Variants in CACNA2D1 observed in about 807,000 individuals in gnomAD.
CACNA2D1 encodes calcium voltage-gated channel auxiliary subunit alpha2delta 1, also known as voltage-dependent calcium channel subunit alpha-2/delta-1.
Under a neutral mutation model 171.5 loss-of-function variants are expected in CACNA2D1, and 53 were observed. The ratio of observed to expected loss-of-function variants is 0.31; its 90% CI spans 0.25 to 0.39. The LOEUF is 0.39. Ranked by LOEUF, CACNA2D1 falls within the 10% of genes least tolerant of loss-of-function variation. The pLI is 1.00. For synonymous variants in CACNA2D1, 442 were observed against 443.1 expected, an observed-to-expected ratio of 1.00 and a Z score of 0.03; for missense variants, 903 against 1,299.8, an observed-to-expected ratio of 0.69 and a Z score of 4.69.
At position 81,967,559 on chromosome 7, in the gene CACNA2D1, T is replaced by C. The variant is rs1554332190; in HGVS notation, c.2463+37A>G. 18 of 1,118,966 alleles carry C rather than the reference T, an allele frequency of 1.6e-5. No homozygotes were observed. In the South Asian group the frequency reaches 1.8e-4, roughly 11 times the overall value. The allele number at this position is 1,118,966 out of a possible 1,614,324, so 69.3% of individuals were successfully genotyped here. ...TTTTTTCTATTGAATTTTGAAAACA[T>C]TAAACATAGCATAAGAATTTTTTAA... On this transcript the variant is annotated intron_variant, in intron 30 of 38. Coordinates refer to ENST00000356860, the MANE Select transcript of CACNA2D1 (RefSeq NM_000722.4).
At chr7:82,121,984 G>A (rs890220734) in intron 5 of CACNA2D1, among the ~76,000 whole-genome samples, 4 of 152,012 alleles carry the variant, frequency 2.6e-5, no homozygotes, top group East Asian at 1.9e-4. Context: ...CATCAGTGGC[G>A]AAAGAAAGGT....
intron 6 of CACNA2D1, among the ~76,000 whole-genome samples, chr7:82,115,743 T>TAA (rs543239994): frequency 7.0e-6 from 1 of 143,156 alleles, no homozygotes; most frequent in African/African-American, 2.5e-5. Context: ...TCAAAGTGAA[T>TAA]AAAAAAAAAA....
chr7:81,991,395 A>G, intron 20 of CACNA2D1, 149 bp from the exon 21 acceptor site: 2 of 520,054 alleles, frequency 3.8e-6, no homozygotes, highest in Non-Finnish European at 6.8e-6. Context: ...ATATTTATTT[A>G]TTTTCTGGGT....
chr7:82,007,801 T>C (rs755162109), intron 15 of CACNA2D1, 45 bp from the exon 16 acceptor site: 1 of 1,153,790 alleles, frequency 8.7e-7, no homozygotes, highest in East Asian at 2.4e-5. Context: ...AATTACAATT[T>C]AAGCTTTGTC....
At chr7:82,294,991 C>T (rs1812085872) in intron 3 of CACNA2D1, among the ~76,000 whole-genome samples, 1 of 152,042 alleles carries the variant, frequency 6.6e-6, no homozygotes, top group African/African-American at 2.4e-5. Flanking sequence ...CAATATTTTA[C>T]TTGCTAAGTT....
At chr7:82,286,274 T>A (rs1198740541) in intron 3 of CACNA2D1, among the ~76,000 whole-genome samples, 1 of 152,138 alleles carries the variant, frequency 6.6e-6, no homozygotes, top group Admixed American at 6.6e-5. Flanking sequence ...AGTCTGTTTT[T>A]CCTGTCTTAT....
At chr7:81,961,445 A>G (rs1184296276) in intron 36 of CACNA2D1, among the ~76,000 whole-genome samples, 4 of 151,914 alleles carry the variant, frequency 2.6e-5, no homozygotes, top group Non-Finnish European at 5.9e-5. Context: ...AAACAAAACA[A>G]GACTTTTTTT....
At chr7:81,973,753 TAATA>T (rs1170353975) in intron 25 of CACNA2D1, among the ~76,000 whole-genome samples, 5 of 152,174 alleles carry the variant, frequency 3.3e-5, no homozygotes, top group African/African-American at 7.2e-5. Flanking sequence ...AGTGCTTTTA[TAATA>T]AATATTTTTA....
intron 20 of CACNA2D1, among the ~76,000 whole-genome samples, chr7:81,992,711 C>T (rs929979302): frequency 3.9e-5 from 6 of 152,026 alleles, no homozygotes; most frequent in Non-Finnish European, 7.4e-5. Context: ...AATAATCAAA[C>T]GGACAATTTT....
intron 4 of CACNA2D1, among the ~76,000 whole-genome samples, chr7:82,165,742 G>T (rs1320334024): frequency 2.6e-5 from 4 of 151,826 alleles, no homozygotes; most frequent in Admixed American, 2.6e-4. Flanking sequence ...CTCTTAAAAA[G>T]CCGTAACAAA....
intron 3 of CACNA2D1, among the ~76,000 whole-genome samples, chr7:82,289,073 G>C (rs899297807): frequency 6.6e-6 from 1 of 152,004 alleles, no homozygotes; most frequent in Non-Finnish European, 1.5e-5. Context: ...AATCTGGATG[G>C]GATCCAAATA....
chr7:82,115,695 CAT>C (rs1460351298), intron 6 of CACNA2D1, among the ~76,000 whole-genome samples: 1 of 150,894 alleles, frequency 6.6e-6, no homozygotes, highest in Admixed American at 6.6e-5. Context: ...TAAAAAGAAT[CAT>C]ATATGCATTA....
At chr7:82,193,481 A>G (rs1464645540) in intron 3 of CACNA2D1, among the ~76,000 whole-genome samples, 1 of 152,022 alleles carries the variant, frequency 6.6e-6, no homozygotes, top group Non-Finnish European at 1.5e-5. Context: ...ATTTAAGTCT[A>G]AAAAGATTAA....
chr7:82,142,176 G>C lies in CACNA2D1; in HGVS notation c.355-5500C>G, dbSNP rs574907092. 5.3e-5 allele frequency among the ~76,000 whole-genome samples: 8 copies of C among 152,264 alleles called. No individual in the cohort carries two copies. In the South Asian group the frequency reaches 1.2e-3, roughly 24 times the overall value. ...ATTTTTCATAATTTAAGCGCCACCA[G>C]ATGACAAGAACAAATTGTTTTCTTT... is the stretch of plus-strand genomic sequence containing the variant. On this transcript the variant is annotated intron_variant, in intron 4 of 38. Coordinates refer to ENST00000356860, the MANE Select transcript of CACNA2D1 (RefSeq NM_000722.4).
chr7:82,012,554 T>G (rs977910731), intron 14 of CACNA2D1, among the ~76,000 whole-genome samples: 3 of 152,156 alleles, frequency 2.0e-5, no homozygotes, highest in Admixed American at 6.5e-5. Flanking sequence ...GTGAATTGTT[T>G]CATGTTAATC....
intron 6 of CACNA2D1, among the ~76,000 whole-genome samples, chr7:82,103,797 G>A (rs982619906): frequency 1.3e-5 from 2 of 151,946 alleles, no homozygotes; most frequent in African/African-American, 4.8e-5. Context: ...TCCCCAACCC[G>A]AATATGTATA....
intron 1 of CACNA2D1, among the ~76,000 whole-genome samples, chr7:82,415,623 T>C (rs984594921): frequency 1.3e-5 from 2 of 152,146 alleles, no homozygotes; most frequent in Non-Finnish European, 2.9e-5. Flanking sequence ...AGGTAGGTTA[T>C]GTATGACTCT....
intron 4 of CACNA2D1, among the ~76,000 whole-genome samples, chr7:82,141,475 C>G (rs2129088280): frequency 6.6e-6 from 1 of 152,254 alleles, no homozygotes; most frequent in Non-Finnish European, 1.5e-5. Flanking sequence ...GTCTCCTGTT[C>G]CCATCCCACT....
chr7:82,319,879 A>G (rs1815598744), intron 3 of CACNA2D1, among the ~76,000 whole-genome samples: 1 of 152,196 alleles, frequency 6.6e-6, no homozygotes. Context: ...TCAGCTGTCA[A>G]GACACAACTT....
Sources: allele counts gnomAD v4.1 joint callset (sites outside exome capture counted in the v4.1 genomes callset), GRCh38; gene constraint gnomAD v4.1.1; transcripts MANE v1.5; gene names NCBI Gene and HGNC (gene_info 2026-07-23, HGNC 2026-07-21).